The following UGT1A10 variants were observed in gnomAD, a reference collection of about 807,000 sequenced individuals.
UGT1A10 encodes the protein UDP-glucuronosyltransferase 1A10.
UGT1A10 carries 49 observed loss-of-function variants against 45.8 expected under a neutral mutation model. The observed-to-expected ratio is 1.07, with a 90% CI of 0.85 to 1.36. The LOEUF is 1.36. UGT1A10 is among the 40% of genes most tolerant of loss of function. The pLI is 0.00. For missense variants in UGT1A10, 745 were observed against 668.6 expected (o/e 1.11, Z -1.26); for synonymous variants, 284 against 249.7 (o/e 1.14, Z -1.29).
chr2:233,684,275 A>G (rs45566031), intron 1 of UGT1A10, among the ~76,000 whole-genome samples: 1,557 of 152,330 alleles, frequency 0.01, 38 homozygotes, highest in African/African-American at 0.035. Flanking sequence ...TTCAAATGAA[A>G]CATGACTTTC....
intron 1 of UGT1A10, among the ~76,000 whole-genome samples, chr2:233,728,134 C>T (rs1335852512): frequency 1.3e-5 from 2 of 152,184 alleles, no homozygotes; most frequent in Non-Finnish European, 2.9e-5. Flanking sequence ...GACTAGGGCC[C>T]CCACAAATTG....
chr2:233,767,266 T>A (rs1028095369), intron 2 of UGT1A10, 101 bp downstream of exon 2: 5 of 1,587,970 alleles, frequency 3.1e-6, no homozygotes, highest in Non-Finnish European at 4.3e-6. Flanking sequence ...AACCTTAGAT[T>A]TGGCTTTTCC....
chr2:233,694,467 T>C (rs1197070708), intron 1 of UGT1A10, among the ~76,000 whole-genome samples: 1 of 152,162 alleles, frequency 6.6e-6, no homozygotes, highest in African/African-American at 2.4e-5. Flanking sequence ...GCAAAAGGGG[T>C]ATGGCCTCTG....
In UGT1A10 at chr2:233,744,891, T is replaced by C. The variant is rs1270091915; in HGVS notation, c.856-22143T>C. 7.2e-5 allele frequency among the ~76,000 whole-genome samples: 11 copies of C among 151,996 alleles called. No individual in the cohort carries two copies. The East Asian group carries it at 2.1e-3, about 29-fold the overall frequency. On this transcript the variant is annotated intron_variant, in intron 1 of 4. Coordinates refer to ENST00000344644, the MANE Select transcript of UGT1A10 (RefSeq NM_019075.4). ...GGATTAGTTTAGGACAACCCTCCTC[T>C]CCATACCAAAATCTAGATGCTCAAG...
chr2:233,708,944 C>T (rs937227879), intron 1 of UGT1A10, among the ~76,000 whole-genome samples: 1 of 152,118 alleles, frequency 6.6e-6, no homozygotes, highest in East Asian at 1.9e-4. Context: ...GTCACCAGAA[C>T]CCATTTATAT....
intron 1 of UGT1A10, chr2:233,747,599 G>A: frequency 6.3e-7 from 1 of 1,574,950 alleles, no homozygotes; most frequent in Non-Finnish European, 8.7e-7. Flanking sequence ...GGTCTTGTGT[G>A]GAGCTACTGC....
At chr2:233,698,282 G>T (rs866181850) in intron 1 of UGT1A10, among the ~76,000 whole-genome samples, 47 of 151,926 alleles carry the variant, frequency 3.1e-4, no homozygotes, top group African/African-American at 1.1e-3. Flanking sequence ...TCAACACTAT[G>T]AAAAAAAATG....
In UGT1A10 at chr2:233,772,290, A is replaced by G; in HGVS notation, c.1324A>G (p.Ser442Gly). The part of the protein sequence containing the change: ...SYKENIMRLS[S>G]LHKDRPVEPL... Reference sequence around the variant, plus strand: ...CAAGGAGAACATCATGCGCCTCTCCAGCCTTCACAAGGACCGCCCGGTGGA... The same window carrying G: ...CAAGGAGAACATCATGCGCCTCTCCGGCCTTCACAAGGACCGCCCGGTGGA... The change falls in exon 5 of 5, where the codon AGC (serine) becomes GGC (glycine). Residue 442 changes from serine (S) to glycine (G), a missense_variant. Ser to Gly is a moderately conservative substitution (Grantham distance 56). Coordinates refer to ENST00000344644, the MANE Select transcript of UGT1A10 (RefSeq NM_019075.4). The G allele has an allele frequency of 6.2e-7, 1 of 1,614,260 alleles. No individual in the cohort carries two copies. Among genetic ancestry groups the G allele is most frequent in the Non-Finnish European group, 8.5e-7 (1 of 1,180,044 alleles).
intron 1 of UGT1A10, among the ~76,000 whole-genome samples, chr2:233,744,283 G>A (rs1174780649): frequency 6.6e-6 from 1 of 151,820 alleles, no homozygotes; most frequent in Non-Finnish European, 1.5e-5. Context: ...CTTTATATCA[G>A]TCTTTTTCCT....
intron 1 of UGT1A10, among the ~76,000 whole-genome samples, chr2:233,757,257 G>C (rs1486497078): frequency 6.8e-6 from 1 of 147,916 alleles, no homozygotes; most frequent in Non-Finnish European, 1.5e-5. Flanking sequence ...GGTTATTCAG[G>C]TGGCAGCCGA....
intron 1 of UGT1A10, among the ~76,000 whole-genome samples, chr2:233,694,695 C>T (rs767071977): frequency 2.6e-4 from 40 of 152,288 alleles, no homozygotes; most frequent in Admixed American, 1.3e-3. Flanking sequence ...AGACCCTTAC[C>T]TCTCTTCTTT....
In UGT1A10 at chr2:233,751,878, G is replaced by T. The variant is rs139907629; in HGVS notation, c.856-15156G>T. On this transcript the variant is annotated intron_variant, in intron 1 of 4. Transcript: ENST00000344644. ...GTCTTTTATAAATTACCCCGTCTTG[G>T]GTATGTCTTTATAGCAGTGTGAGAA... Among the ~76,000 whole-genome samples the T allele has an allele frequency of 2.6e-5, 4 of 152,104 alleles. No homozygotes were observed. In the East Asian group the frequency reaches 7.7e-4, roughly 29 times the overall value.
At chr2:233,676,958 G>A (rs1023750959) in intron 1 of UGT1A10, among the ~76,000 whole-genome samples, 1 of 151,902 alleles carries the variant, frequency 6.6e-6, no homozygotes, top group African/African-American at 2.4e-5. Context: ...GATTACTATA[G>A]CTGTGTAATA....
At chr2:233,727,474 C>A (rs2077619427) in intron 1 of UGT1A10, among the ~76,000 whole-genome samples, 1 of 152,182 alleles carries the variant, frequency 6.6e-6, no homozygotes, top group Non-Finnish European at 1.5e-5. Context: ...AAATAAAACA[C>A]TACTACTTGG....
At chr2:233,734,764 G>A (rs902615341) in intron 1 of UGT1A10, among the ~76,000 whole-genome samples, 11 of 152,078 alleles carry the variant, frequency 7.2e-5, no homozygotes, top group African/African-American at 2.2e-4. Flanking sequence ...CCTTCACTTC[G>A]TTATTTACCC....
intron 1 of UGT1A10, chr2:233,682,362 T>G (rs747551450): frequency 1.2e-6 from 2 of 1,614,152 alleles, no homozygotes; most frequent in Non-Finnish European, 1.7e-6. Flanking sequence ...GAGAGTTGTT[T>G]TGATGCAGTG....
chr2:233,675,499 T>A (rs1177772032), intron 1 of UGT1A10, among the ~76,000 whole-genome samples: 1 of 152,148 alleles, frequency 6.6e-6, no homozygotes, highest in Non-Finnish European at 1.5e-5. Context: ...TGGGATATGG[T>A]TACAGATAAA....
At chr2:233,726,742 G>A (rs1437443163) in intron 1 of UGT1A10, among the ~76,000 whole-genome samples, 1 of 152,226 alleles carries the variant, frequency 6.6e-6, no homozygotes, top group African/African-American at 2.4e-5. Context: ...TTGTGGGGCT[G>A]TGATTCTGCC....
chr2:233,756,388 A>G (rs1696196627), intron 1 of UGT1A10: 1 of 152,140 alleles, frequency 6.6e-6, no homozygotes, highest in Admixed American at 6.5e-5. Flanking sequence ...TAGTTGTTTT[A>G]CAGTATTGGT....
Sources: allele counts gnomAD v4.1 joint callset (sites outside exome capture counted in the v4.1 genomes callset), GRCh38; gene constraint gnomAD v4.1.1; transcripts MANE v1.5; gene names NCBI Gene and HGNC (gene_info 2026-07-23, HGNC 2026-07-21).